The following SLC6A16 variants were observed in gnomAD, a reference collection of about 807,000 sequenced individuals.
SLC6A16 encodes the protein orphan sodium- and chloride-dependent neurotransmitter transporter NTT5.
A neutral mutation model predicts 65.4 loss-of-function variants in SLC6A16; 54 were observed. The ratio of observed to expected loss-of-function variants is 0.83; its 90% CI spans 0.66 to 1.04. The LOEUF (loss-of-function observed/expected upper bound fraction) is 1.04. SLC6A16 is among the 50% of genes least tolerant of loss of function. The pLI is 0.00. For synonymous variants in SLC6A16, 330 were observed against 346.5 expected (o/e 0.95, Z 0.53); for missense variants, 816 against 914.0 (o/e 0.89, Z 1.38).
At chr19:49,291,712 A>C (rs894820423) in intron 10 of SLC6A16, among the ~76,000 whole-genome samples, 1 of 151,654 alleles carries the variant, frequency 6.6e-6, no homozygotes, top group African/African-American at 2.4e-5. Flanking sequence ...ATTTCAGCCA[A>C]CTATCCAGTC....
At chr19:49,339,371 T>G in the SLC6A16 span, 4 of 1,614,046 alleles carry the variant, frequency 2.5e-6, no homozygotes, top group Non-Finnish European at 2.5e-6. The surrounding 1 kb of genome is among the most constrained non-coding windows in gnomAD (Gnocchi z 4.5). Flanking sequence ...ACAACAACCT[T>G]ATTTCCATAG....
the SLC6A16 span, among the ~76,000 whole-genome samples, chr19:49,333,581 T>C: frequency 6.6e-5 from 10 of 152,098 alleles, no homozygotes; most frequent in Admixed American, 2.6e-4. Flanking sequence ...TCTGGGGCTA[T>C]GTGGGGGACA....
the SLC6A16 span, chr19:49,335,530 A>G: frequency 1.2e-6 from 2 of 1,610,584 alleles, no homozygotes; most frequent in East Asian, 4.5e-5. This position sits in a 1 kb window ranked among gnomAD's most constrained non-coding sequence, Gnocchi z 4.6. Flanking sequence ...CGCTTACCCC[A>G]CTAGGTGAAG....
chr19:49,328,206 G>A (rs1970816963), upstream of SLC6A16, among the ~76,000 whole-genome samples: 1 of 152,116 alleles, frequency 6.6e-6, no homozygotes, highest in Non-Finnish European at 1.5e-5. Context: ...GTTCAGCTTG[G>A]CTGGGGAGGC....
At chr19:49,298,707 A>G (rs1469841272) in intron 7 of SLC6A16, among the ~76,000 whole-genome samples, 1 of 152,238 alleles carries the variant, frequency 6.6e-6, no homozygotes, top group African/African-American at 2.4e-5. Context: ...TACAGGGTCT[A>G]TATACCCAAA....
intron 1 of SLC6A16, chr19:49,312,668 T>C (rs781657468): frequency 1.3e-5 from 9 of 671,810 alleles, no homozygotes; most frequent in Non-Finnish European, 1.6e-5. Context: ...GGAGTTTTCT[T>C]TCAGTGGGGG....
upstream of SLC6A16, among the ~76,000 whole-genome samples, chr19:49,329,622 CTT>C (rs71180620): frequency 7.3e-3 from 514 of 70,730 alleles, 1 homozygote; most frequent in African/African-American, 0.029. Context: ...AAGGCCTTGT[CTT>C]TTTTTTTTTT....
chr19:49,332,120 G>A, the SLC6A16 span: 1 of 456,598 alleles, frequency 2.2e-6, no homozygotes, highest in Non-Finnish European at 4.4e-6. Context: ...CAGAGGCTCT[G>A]AGAGAAAATC....
chr19:49,317,663 G>C (rs1001370323), intron 1 of SLC6A16, among the ~76,000 whole-genome samples: 1 of 151,564 alleles, frequency 6.6e-6, no homozygotes, highest in African/African-American at 2.4e-5. Flanking sequence ...AAAATTAGCC[G>C]GGCATGGTGG....
the SLC6A16 span, chr19:49,339,443 G>A: frequency 1.9e-6 from 3 of 1,600,462 alleles, no homozygotes; most frequent in African/African-American, 1.3e-5. The surrounding 1 kb of genome is among the most constrained non-coding windows in gnomAD (Gnocchi z 4.5). Context: ...ACCCGCGATC[G>A]GCCCTAAATC....
chr19:49,290,507 C>A, intron 11 of SLC6A16, 98 bp downstream of exon 11: 1 of 1,557,726 alleles, frequency 6.4e-7, no homozygotes, highest in Non-Finnish European at 8.8e-7. Context: ...AGTCTTCGGG[C>A]AGTAAGAGAA....
In SLC6A16 at chr19:49,290,182, C is replaced by G. The variant is rs760036326; in HGVS notation, c.2152G>C (p.Glu718Gln). 3 of 1,614,006 alleles carry G rather than the reference C, an allele frequency of 1.9e-6. No homozygotes were observed. In the African/African-American group the frequency reaches 4.0e-5, roughly 22 times the overall value. ...GTTTCATCAACTTGTAGAATTTCTT[C>G]CTTTTGAACCTCTTTACTGGGTGTT... is the stretch of plus-strand genomic sequence containing the variant. Reference protein sequence around the residue: ...QLTPSKEVQKEEILQVDETKY... With the variant: ...QLTPSKEVQKQEILQVDETKY... Residue 718 changes from glutamate to glutamine, a missense_variant, in exon 12 of 12, where the codon GAA becomes CAA. By Grantham distance (29) the Glu-to-Gln change is conservative. Transcript: ENST00000335875.
At chr19:49,304,657 C>T (rs867417215) in intron 7 of SLC6A16, among the ~76,000 whole-genome samples, 2 of 152,158 alleles carry the variant, frequency 1.3e-5, no homozygotes, top group East Asian at 1.9e-4. Flanking sequence ...CCCAGCTACT[C>T]GGGAGGCTAA....
chr19:49,293,919 C>A lies in SLC6A16; in HGVS notation c.1526G>T (p.Gly509Val). Residue 509 changes from glycine to valine, a missense_variant, in exon 9 of 12, where the codon GGG becomes GTG. Gly to Val is a moderately radical substitution (Grantham distance 109). Coordinates refer to ENST00000335875, the MANE Select transcript of SLC6A16 (RefSeq NM_014037.3). ...CATAATCCCTATTGCGCTGCTCAGC[C>A]CCATGGCCAGCAACATCAGGAAGAA... The part of the protein sequence containing the change: ...FIFFLMLLAM[G>V]LSSAIGIMQG... The A allele has an allele frequency of 6.2e-7, 1 of 1,613,914 alleles. No homozygotes were observed. Among genetic ancestry groups the A allele is most frequent in the African/African-American group, 1.3e-5 (1 of 74,958 alleles).
chr19:49,333,614 C>T, the SLC6A16 span, among the ~76,000 whole-genome samples: 1 of 152,124 alleles, frequency 6.6e-6, no homozygotes. Context: ...AAACTAGAAG[C>T]CAGGGAGAAG....
rs1342337112 is a variant in SLC6A16 at position 49,310,926 on chromosome 19, G to A, written c.415+7C>T. ...GTGGACCCAGGTTTCCTGGTCCCCA[G>A]ACTTACAGCCTCCACTGTTAAGCCA... On this transcript the variant is annotated splice_region_variant and intron_variant, in intron 2 of 11. Coordinates refer to ENST00000335875, the MANE Select transcript of SLC6A16 (RefSeq NM_014037.3). 1.2e-6 allele frequency: 2 copies of A among 1,606,184 alleles called. No individual in the cohort carries two copies. Among genetic ancestry groups the A allele is most frequent in the African/African-American group, 2.7e-5 (2 of 74,680 alleles).
chr19:49,314,944 CCTA>C (rs1970590328), intron 1 of SLC6A16, among the ~76,000 whole-genome samples: 1 of 152,032 alleles, frequency 6.6e-6, no homozygotes, highest in Admixed American at 6.6e-5. Flanking sequence ...ACCTGCCACT[CCTA>C]CAATTCACCA....
In SLC6A16 at chr19:49,309,819, T is replaced by G. The variant is rs1970475918; in HGVS notation, c.708A>C (p.Glu236Asp). 1 of 1,609,156 alleles carries G rather than the reference T, an allele frequency of 6.2e-7. No homozygotes were observed. Among genetic ancestry groups the G allele is most frequent in the South Asian group, 1.1e-5 (1 of 91,020 alleles). Residue 236 changes from glutamate (E) to aspartate (D), a missense_variant, in exon 5 of 12, where the codon GAA (glutamate) becomes GAC (aspartate). Physicochemically the swap from Glu to Asp is conservative, Grantham distance 45. Coordinates refer to ENST00000335875, the MANE Select transcript of SLC6A16 (RefSeq NM_014037.3). The part of the protein sequence containing the change: ...LTMNSSGFDP[E>D]CERTTPSIYF... ...ATATGGAGGGTGTTGTCCGTTCACA[T>G]TCAGGATCTGGGGGGACCTGGCTTT...
chr19:49,293,759 CA>C (rs1015546504), intron 9 of SLC6A16, 67 bp downstream of exon 9: 15 of 1,431,028 alleles, frequency 1.0e-5, no homozygotes, highest in East Asian at 2.3e-5. Flanking sequence ...GACCCTGTCC[CA>C]AAAAAAGAGT....
Sources: allele counts gnomAD v4.1 joint callset (sites outside exome capture counted in the v4.1 genomes callset), GRCh38; gene constraint gnomAD v4.1.1; non-coding constraint Gnocchi (gnomAD v3.1); transcripts MANE v1.5; gene names NCBI Gene and HGNC (gene_info 2026-07-23, HGNC 2026-07-21).